GABBR2: variants seen among roughly 807,000 people sequenced by gnomAD.
GABBR2 encodes the protein G-protein coupled receptor 51.
A neutral mutation model predicts 105.6 loss-of-function variants in GABBR2; 23 were observed. The ratio of observed to expected loss-of-function variants is 0.22; its 90% confidence interval spans 0.16 to 0.31. The LOEUF (loss-of-function observed/expected upper bound fraction) is 0.31, where lower values mean the gene tolerates loss of function less well. Among genes scored for constraint, GABBR2 ranks in the 10% least tolerant of loss-of-function variants. The pLI is 1.00. For missense variants in GABBR2, 734 were observed against 1,245.5 expected, an observed-to-expected ratio of 0.59 and a Z score of 6.18; for synonymous variants, 478 against 499.7, an observed-to-expected ratio of 0.96 and a Z score of 0.58.
At chr9:98,541,840 A>T (rs759425535) in intron 3 of GABBR2, 33 bp downstream of exon 3, 1 of 1,607,196 alleles carries the variant, frequency 6.2e-7, no homozygotes, top group Non-Finnish European at 8.5e-7. Context: ...AGCAAGCAGT[A>T]AGGCAGGCCG....
At chr9:98,677,402 C>A (rs1440376892) in intron 1 of GABBR2, among the ~76,000 whole-genome samples, 1 of 152,188 alleles carries the variant, frequency 6.6e-6, no homozygotes, top group East Asian at 1.9e-4. Context: ...GACAGGTTTA[C>A]AACATCTTAT....
intron 16 of GABBR2, among the ~76,000 whole-genome samples, chr9:98,302,324 G>A (rs1280512617): frequency 6.6e-6 from 1 of 152,136 alleles, no homozygotes; most frequent in Non-Finnish European, 1.5e-5. Context: ...CTGACACTGT[G>A]AACAGGACAT....
chr9:98,450,782 C>A (rs1289194774), intron 7 of GABBR2, among the ~76,000 whole-genome samples: 1 of 152,172 alleles, frequency 6.6e-6, no homozygotes, highest in African/African-American at 2.4e-5. Flanking sequence ...AAAAGAAACT[C>A]ATCCTCAAGC....
In GABBR2 at chr9:98,631,667, C is replaced by G. The variant is rs1564135947; in HGVS notation, c.322-53595G>C. Reference sequence around the variant, plus strand: ...AATTTCAATTTTAAAGTAATCGAGTCCTCTAACTCATCTCCCTCCCAAATA... The same window carrying G: ...AATTTCAATTTTAAAGTAATCGAGTGCTCTAACTCATCTCCCTCCCAAATA... On this transcript the variant is annotated intron_variant, in intron 1 of 18. Coordinates refer to ENST00000259455, the MANE Select transcript of GABBR2 (RefSeq NM_005458.8). 2.0e-5 allele frequency among the ~76,000 whole-genome samples: 3 copies of G among 152,176 alleles called. No homozygotes were observed. In the South Asian group the frequency reaches 6.2e-4, roughly 32 times the overall value.
At chr9:98,703,040 G>C (rs376368143) in intron 1 of GABBR2, among the ~76,000 whole-genome samples, 1 of 152,340 alleles carries the variant, frequency 6.6e-6, no homozygotes, top group East Asian at 1.9e-4. Context: ...TGACTTGTTC[G>C]TGGATAAACA....
At chr9:98,340,182 G>GTTT (rs1564023658) in intron 13 of GABBR2, among the ~76,000 whole-genome samples, 1 of 149,258 alleles carries the variant, frequency 6.7e-6, no homozygotes, top group Non-Finnish European at 1.5e-5. Flanking sequence ...TCCAGTGAGG[G>GTTT]GTTTTTTTTT....
intron 3 of GABBR2, among the ~76,000 whole-genome samples, chr9:98,513,573 A>T (rs1481031952): frequency 6.6e-6 from 1 of 152,094 alleles, no homozygotes; most frequent in African/African-American, 2.4e-5. Context: ...AAAAACAAAC[A>T]ACCCCATCAA....
At chr9:98,418,550 C>A (rs1832727883) in intron 7 of GABBR2, among the ~76,000 whole-genome samples, 1 of 150,482 alleles carries the variant, frequency 6.6e-6, no homozygotes, top group Non-Finnish European at 1.5e-5. Flanking sequence ...ACAACAACAA[C>A]AACAAAAAAA....
chr9:98,679,193 A>G (rs1830509958), intron 1 of GABBR2, among the ~76,000 whole-genome samples: 3 of 152,202 alleles, frequency 2.0e-5, no homozygotes, highest in Admixed American at 1.3e-4. Flanking sequence ...CGACAATTCA[A>G]TCCATGGACA....
chr9:98,374,713 C>T (rs770757271), intron 11 of GABBR2, among the ~76,000 whole-genome samples: 17 of 152,168 alleles, frequency 1.1e-4, no homozygotes, highest in Non-Finnish European at 1.9e-4. Flanking sequence ...GGGACTTAAG[C>T]GTGTCCTGTG....
Position 98,423,687 on chromosome 9 carries a change from A to G in GABBR2, c.1237-17546T>C, listed in dbSNP as rs560039598. On this transcript the variant is annotated intron_variant, in intron 7 of 18. Coordinates refer to ENST00000259455, the MANE Select transcript of GABBR2 (RefSeq NM_005458.8). ...AGACATGAAGTCCTTGCCCATGCCT[A>G]TGTCCTGAATGGTAATGCCTAGGTT... 2.5e-3 allele frequency among the ~76,000 whole-genome samples: 377 copies of G among 152,322 alleles called. 4 individuals are homozygous for G. The highest frequency in any genetic ancestry group is 8.7e-3 in the African/African-American group (360 of 41,560).
At chr9:98,477,567 T>TA (rs1414386353) in intron 5 of GABBR2, among the ~76,000 whole-genome samples, 1 of 152,290 alleles carries the variant, frequency 6.6e-6, no homozygotes, top group East Asian at 1.9e-4. Flanking sequence ...AATGTGGTCT[T>TA]AGGACCTATG....
intron 6 of GABBR2, among the ~76,000 whole-genome samples, chr9:98,463,042 T>C (rs1369277341): frequency 6.6e-6 from 1 of 152,068 alleles, no homozygotes. Context: ...GCATGTGCCA[T>C]CATGCCCGGC....
At chr9:98,325,280 A>ATTTTTTTTTTTTTTTTTTT (rs1588102945) in intron 13 of GABBR2, among the ~76,000 whole-genome samples, 1 of 109,768 alleles carries the variant, frequency 9.1e-6, no homozygotes, top group African/African-American at 3.6e-5. Flanking sequence ...TAGGACAGCA[A>ATTTTTTTTTTTTTTTTTTT]TTCTTTTTTT....
intron 13 of GABBR2, among the ~76,000 whole-genome samples, chr9:98,345,336 T>C (rs1449901000): frequency 1.3e-5 from 2 of 152,222 alleles, no homozygotes; most frequent in East Asian, 1.9e-4. Context: ...TAAACTCCTC[T>C]TCTTAGCACA....
In GABBR2 at chr9:98,400,316, T is replaced by C. The variant is rs374774033; in HGVS notation, c.1297+5765A>G. ...CATTAGGAATCAGAGAAACGATACG[T>C]AAAGTCACAATATGATATTACTTTA... On this transcript the variant is annotated intron_variant, in intron 8 of 18. Coordinates refer to ENST00000259455, the MANE Select transcript of GABBR2 (RefSeq NM_005458.8). Among the ~76,000 whole-genome samples the C allele has an allele frequency of 7.9e-5, 12 of 152,222 alleles. No homozygotes were observed. The East Asian group carries it at 1.5e-3, about 20-fold the overall frequency.
At chr9:98,407,636 T>G (rs887870918) in intron 7 of GABBR2, among the ~76,000 whole-genome samples, 24 of 152,314 alleles carry the variant, frequency 1.6e-4, no homozygotes, top group African/African-American at 5.3e-4. Context: ...AGAAATTTTT[T>G]TTTTGTCTGA....
intron 1 of GABBR2, among the ~76,000 whole-genome samples, chr9:98,662,917 C>T (rs369362365): frequency 5.3e-5 from 8 of 152,278 alleles, no homozygotes; most frequent in African/African-American, 1.4e-4. Context: ...CAGAGCTGTG[C>T]GACCCAGACA....
chr9:98,532,306 A>G (rs995442314), intron 3 of GABBR2, among the ~76,000 whole-genome samples: 5 of 152,218 alleles, frequency 3.3e-5, no homozygotes, highest in Admixed American at 6.5e-5. Context: ...CCCCTTGCAG[A>G]GCTCAAGGGA....
Sources: allele counts gnomAD v4.1 joint callset (sites outside exome capture counted in the v4.1 genomes callset), GRCh38; gene constraint gnomAD v4.1.1; transcripts MANE v1.5; gene names NCBI Gene and HGNC (gene_info 2026-07-23, HGNC 2026-07-21).